Variants in UGT8 observed in about 807,000 individuals in gnomAD.
UGT8 encodes the protein UDP glycosyltransferase 8, also known as 2-hydroxyacylsphingosine 1-beta-galactosyltransferase.
A neutral mutation model predicts 40.5 loss-of-function variants in UGT8; 12 were observed. That is an observed-to-expected ratio of 0.30 (90% CI 0.19 to 0.48). The LOEUF is 0.48. Ranked by LOEUF, UGT8 falls within the 20% of genes least tolerant of loss-of-function variation. The pLI, the probability that UGT8 is intolerant of heterozygous loss-of-function variation, is 0.99. For missense variants in UGT8, 513 were observed against 648.7 expected (o/e 0.79, Z 2.27); for synonymous variants, 224 against 240.4 (o/e 0.93, Z 0.63).
At chr4:114,665,640 T>C (rs55759710) in intron 3 of UGT8, 40 bp from the exon 4 acceptor site, 30,487 of 1,541,962 alleles carry the variant, frequency 0.02, 358 homozygotes, top group Middle Eastern at 0.035. Flanking sequence ...ATGAGTAAGG[T>C]TTGATTTTTA....
intron 2 of UGT8, among the ~76,000 whole-genome samples, chr4:114,641,081 G>A (rs1237557812): frequency 1.3e-5 from 2 of 152,292 alleles, no homozygotes; most frequent in Admixed American, 6.5e-5. Flanking sequence ...AAAGCTGGCA[G>A]GCAATATGTA....
chr4:114,608,396 C>T (rs1008821238), intron 1 of UGT8, among the ~76,000 whole-genome samples: 1 of 152,178 alleles, frequency 6.6e-6, no homozygotes, highest in African/African-American at 2.4e-5. Context: ...GATATTCAAA[C>T]ATGATTGAAT....
chr4:114,676,139 T>G lies in UGT8; in HGVS notation c.1477T>G (p.Ser493Ala), dbSNP rs746007469. The G allele has an allele frequency of 3.7e-6, 6 of 1,614,098 alleles. No homozygotes were observed. The highest frequency in any genetic ancestry group is 5.1e-6 in the Non-Finnish European group (6 of 1,180,060). ...LGAALLYFLL[S>A]WVTKFIYRKI... ...TGCTGCCTTGTTATACTTTCTCTTGTCTTGGGTGACAAAATTTATCTACAG... is the reference window on the plus strand; with the variant it reads ...TGCTGCCTTGTTATACTTTCTCTTGGCTTGGGTGACAAAATTTATCTACAG... The change falls in exon 6 of 6, where the codon TCT (serine) becomes GCT (alanine). Residue 493 changes from serine (S) to alanine (A), a missense_variant. Physicochemically the swap from Ser to Ala is moderately conservative, Grantham distance 99 (BLOSUM62 1). Coordinates refer to ENST00000310836, the MANE Select transcript of UGT8 (RefSeq NM_001128174.3).
chr4:114,639,753 T>C (rs529280008), intron 2 of UGT8, among the ~76,000 whole-genome samples: 2 of 152,314 alleles, frequency 1.3e-5, no homozygotes, highest in East Asian at 3.9e-4. Context: ...AACTTATCCA[T>C]GAAATGTAAA....
intron 5 of UGT8, among the ~76,000 whole-genome samples, chr4:114,669,668 G>A (rs1735113644): frequency 6.6e-6 from 1 of 152,096 alleles, no homozygotes; most frequent in African/African-American, 2.4e-5. Context: ...AGGTCACATG[G>A]CAATTAAATT....
At chr4:114,627,112 A>G (rs1481333923) in intron 2 of UGT8, among the ~76,000 whole-genome samples, 2 of 152,214 alleles carry the variant, frequency 1.3e-5, no homozygotes, top group Non-Finnish European at 2.9e-5. Context: ...ACTAAGGGGA[A>G]GAATTCTGAG....
chr4:114,604,169 G>A (rs748279621), intron 1 of UGT8, among the ~76,000 whole-genome samples: 1 of 152,212 alleles, frequency 6.6e-6, no homozygotes, highest in South Asian at 2.1e-4. Context: ...AAAGCACCTG[G>A]TAATTAAACC....
chr4:114,662,689 A>G (rs766243650), intron 2 of UGT8, among the ~76,000 whole-genome samples: 2 of 152,158 alleles, frequency 1.3e-5, no homozygotes, highest in African/African-American at 2.4e-5. Context: ...CAATAGAGAA[A>G]GTTAATACAG....
rs148890217 is a variant in UGT8, at chr4:114,668,285, A to G, written c.1243A>G (p.Lys415Glu). The G allele has an allele frequency of 5.6e-3, 9,046 of 1,613,656 alleles. 823 individuals are homozygous for G. In the Admixed American group the frequency reaches 0.14, roughly 25 times the overall value. ...TEKELYEALVKVINNPSYRQR... is the reference protein window; with the variant it reads ...TEKELYEALVEVINNPSYRQR... ...AAAAGAGCTCTATGAAGCACTAGTGAAGGTTATCAATAATCCCAGGTAAGG... is the reference window on the plus strand; with the variant it reads ...AAAAGAGCTCTATGAAGCACTAGTGGAGGTTATCAATAATCCCAGGTAAGG... Residue 415 changes from lysine to glutamate, a missense_variant, in exon 5 of 6, where the codon AAG (lysine) becomes GAG (glutamate). Around this residue, in one of 3 missense-constraint regions of UGT8, gnomAD observed 175 missense variants for 186.7 expected, o/e 0.94. Transcript: ENST00000310836.
chr4:114,637,809 G>A (rs1399858866), intron 2 of UGT8, among the ~76,000 whole-genome samples: 1 of 152,176 alleles, frequency 6.6e-6, no homozygotes, highest in Non-Finnish European at 1.5e-5. Context: ...CATTTTTGAG[G>A]CAGGCATGCT....
At chr4:114,627,733 C>T (rs948809191) in intron 2 of UGT8, among the ~76,000 whole-genome samples, 1 of 152,158 alleles carries the variant, frequency 6.6e-6, no homozygotes, top group Non-Finnish European at 1.5e-5. Context: ...TAGATGATTT[C>T]CCATTGGCTG....
At chr4:114,643,163 A>T (rs534811951) in intron 2 of UGT8, among the ~76,000 whole-genome samples, 1 of 152,306 alleles carries the variant, frequency 6.6e-6, no homozygotes, top group Admixed American at 6.5e-5. Context: ...TTTTGTTTGT[A>T]TTAAGTTATA....
intron 2 of UGT8, among the ~76,000 whole-genome samples, chr4:114,656,250 TTATCA>T (rs1160110227): frequency 4.6e-5 from 7 of 152,154 alleles, no homozygotes; most frequent in Admixed American, 4.6e-4. Context: ...ATAATACTGA[TTATCA>T]TGAAAAAAAT....
Position 114,622,887 on chromosome 4 carries a change from T to C in UGT8, c.7T>C (p.Ser3Pro). The C allele has an allele frequency of 6.2e-7, 1 of 1,610,978 alleles. No individual in the cohort carries two copies. The highest frequency in any genetic ancestry group is 8.5e-7 in the Non-Finnish European group (1 of 1,178,076). ...TCTGGTTGTTATTACAGCTATGAAG[T>C]CTTACACTCCATATTTCATTCTCCT... MK[S>P]YTPYFILLWS... The change falls in exon 2 of 6, where the codon TCT (serine) becomes CCT (proline). Residue 3 changes from serine to proline, a missense_variant. Around this residue, in one of 3 missense-constraint regions of UGT8, gnomAD observed 335 missense variants for 444.8 expected, o/e 0.75. Transcript: ENST00000310836.
Position 114,676,432 on chromosome 4 carries a change from A to G in UGT8, c.*144A>G. On this transcript the variant is annotated 3_prime_UTR_variant, in exon 6 of 6. Coordinates refer to ENST00000310836, the MANE Select transcript of UGT8 (RefSeq NM_001128174.3). ...AGATCTACTAATGAAATTCTGTGGA[A>G]TTAAGATGGCTGTAAAAAGCACAAA... The G allele has an allele frequency of 5.8e-6, 4 of 688,266 alleles. No individual in the cohort carries two copies. The highest frequency in any genetic ancestry group is 6.9e-6 in the Non-Finnish European group (3 of 434,012). The allele number at this position is 688,266 out of a possible 1,614,324, so 42.6% of individuals were successfully genotyped here.
Position 114,643,022 on chromosome 4 carries a change from C to A in UGT8, c.822+19320C>A, listed in dbSNP as rs368259252. Among the ~76,000 whole-genome samples, 42 of 152,112 alleles carry A rather than the reference C, an allele frequency of 2.8e-4. No homozygotes were observed. The East Asian group carries it at 7.9e-3, about 29-fold the overall frequency. On this transcript the variant is annotated intron_variant, in intron 2 of 5. Transcript: ENST00000310836. ...CTTTTTTAGATATTTGAAAGAAGAA[C>A]AAAGGCTTTTTTGGTTCTTATTATT... is the stretch of plus-strand genomic sequence containing the variant.
intron 2 of UGT8, among the ~76,000 whole-genome samples, chr4:114,644,418 A>G (rs1037675222): frequency 7.2e-5 from 11 of 152,136 alleles, no homozygotes; most frequent in African/African-American, 2.4e-4. Flanking sequence ...CATTTTTAAC[A>G]TCACTTCATT....
intron 1 of UGT8, among the ~76,000 whole-genome samples, chr4:114,611,759 C>A (rs1731107314): frequency 1.3e-5 from 2 of 151,378 alleles, no homozygotes; most frequent in South Asian, 4.2e-4. Context: ...AGTTTTAATA[C>A]CACTGTTTTC....
At chr4:114,615,503 G>C (rs1731352745) in intron 1 of UGT8, among the ~76,000 whole-genome samples, 2 of 152,060 alleles carry the variant, frequency 1.3e-5, no homozygotes, top group Admixed American at 1.3e-4. Context: ...AGTCCCCCTA[G>C]GGCTTCCGTG....
Sources: allele counts gnomAD v4.1 joint callset (sites outside exome capture counted in the v4.1 genomes callset), GRCh38; gene constraint gnomAD v4.1.1; regional missense constraint gnomAD v4.1.1; transcripts MANE v1.5; gene names NCBI Gene and HGNC (gene_info 2026-07-23, HGNC 2026-07-21).